Variants in TRAT1 observed in about 807,000 individuals in gnomAD.
The protein encoded by TRAT1 is T-cell receptor-associated transmembrane adapter 1.
In TRAT1, 20 loss-of-function variants were observed where a neutral mutation model predicts 20.0. The observed-to-expected ratio is 1.00, with a 90% CI of 0.70 to 1.45. The LOEUF (loss-of-function observed/expected upper bound fraction) is 1.45, where lower values mean the gene tolerates loss of function less well. Among genes scored for constraint, TRAT1 ranks in the 40% most tolerant of loss-of-function variants. The probability of loss-of-function intolerance (pLI) is 0.00; values close to 1 mark genes in which losing one functional copy is unlikely to be tolerated. For synonymous variants in TRAT1, 77 were observed against 74.2 expected (o/e 1.04, Z -0.20); for missense variants, 237 against 224.1 (o/e 1.06, Z -0.37).
chr3:108,836,218 A>T (rs1040669231), intron 2 of TRAT1, among the ~76,000 whole-genome samples: 15 of 152,094 alleles, frequency 9.9e-5, no homozygotes, highest in African/African-American at 3.6e-4. Context: ...GTGCCCGGCC[A>T]GAGTTAGTTT....
Position 108,853,801 on chromosome 3 carries a change from C to A in TRAT1, c.485C>A (p.Ala162Glu). Residue 162 changes from alanine (A) to glutamate (E), a missense_variant, in exon 6 of 6, where the codon GCA (alanine) becomes GAA (glutamate). Physicochemically the swap from Ala to Glu is moderately radical, Grantham distance 107. Coordinates refer to ENST00000295756, the MANE Select transcript of TRAT1 (RefSeq NM_016388.4). ...LVDSFSPESQAVEENIHDDPI... is the reference protein window; with the variant it reads ...LVDSFSPESQEVEENIHDDPI... ...GACAGTTTCTCCCCAGAAAGCCAGG[C>A]AGTAGAGGAAAACATTCATGATGAT... 6.2e-7 allele frequency: 1 copy of A among 1,613,958 alleles called. No individual in the cohort carries two copies. The highest frequency in any genetic ancestry group is 2.2e-5 in the East Asian group (1 of 44,890).
intron 1 of TRAT1, among the ~76,000 whole-genome samples, chr3:108,827,859 A>C (rs1309398463): frequency 6.6e-6 from 1 of 152,122 alleles, no homozygotes; most frequent in Non-Finnish European, 1.5e-5. Context: ...AGTGTTTCTG[A>C]CATATTTCAT....
chr3:108,853,929 A>G lies in TRAT1; in HGVS notation c.*52A>G, dbSNP rs1324963183. On this transcript the variant is annotated 3_prime_UTR_variant, in exon 6 of 6. Coordinates refer to ENST00000295756, the MANE Select transcript of TRAT1 (RefSeq NM_016388.4). ...TGGCTCCTATTGAAGATGGCTTCTA[A>G]GAAAACAAGATGCACAGAGGACACA... is the stretch of plus-strand genomic sequence containing the variant. The G allele has an allele frequency of 5.7e-6, 9 of 1,571,770 alleles. No homozygotes were observed. Among genetic ancestry groups the G allele is most frequent in the Non-Finnish European group, 7.8e-6 (9 of 1,148,748 alleles).
intron 2 of TRAT1, among the ~76,000 whole-genome samples, chr3:108,831,235 G>A (rs1439442799): frequency 2.0e-5 from 3 of 152,160 alleles, no homozygotes; most frequent in African/African-American, 7.2e-5. Flanking sequence ...AAGACGACTG[G>A]AAAAGGAAGA....
intron 3 of TRAT1, among the ~76,000 whole-genome samples, chr3:108,839,876 C>T (rs1301102981): frequency 6.6e-6 from 1 of 151,588 alleles, no homozygotes; most frequent in African/African-American, 2.4e-5. Flanking sequence ...TGGCATAAAT[C>T]GTAGTAAGGA....
chr3:108,853,906 G>A lies in TRAT1; in HGVS notation c.*29G>A, dbSNP rs1169798766. The A allele has an allele frequency of 5.0e-6, 8 of 1,606,510 alleles. No individual in the cohort carries two copies. In the South Asian group the frequency reaches 7.7e-5, roughly 16 times the overall value. The stretch of plus-strand genomic sequence containing the variant: ...GACCATGATCTAGTTCAATGATTTG[G>A]CTCCTATTGAAGATGGCTTCTAAGA... On this transcript the variant is annotated 3_prime_UTR_variant, in exon 6 of 6. Transcript: ENST00000295756.
In TRAT1 at chr3:108,853,887, G is replaced by T. The variant is rs765928658; in HGVS notation, c.*10G>T. 1.9e-6 allele frequency: 3 copies of T among 1,611,656 alleles called. No individual in the cohort carries two copies. In the South Asian group the frequency reaches 3.3e-5, roughly 18 times the overall value. ...AGAACCTATAAACTAGCTGGACCAT[G>T]ATCTAGTTCAATGATTTGGCTCCTA... On this transcript the variant is annotated 3_prime_UTR_variant, in exon 6 of 6. Transcript: ENST00000295756.
At chr3:108,835,273 G>A (rs1945828685) in intron 2 of TRAT1, among the ~76,000 whole-genome samples, 1 of 152,206 alleles carries the variant, frequency 6.6e-6, no homozygotes, top group Non-Finnish European at 1.5e-5. Context: ...ACAAGTGTTT[G>A]CATCTGAATC....
chr3:108,850,395 C>G (rs188199108), intron 5 of TRAT1, among the ~76,000 whole-genome samples: 16 of 151,802 alleles, frequency 1.1e-4, no homozygotes, highest in Non-Finnish European at 2.1e-4. Context: ...ACCTCTGCCT[C>G]CCGGGTTCAA....
At chr3:108,826,455 G>A (rs1030061041) in intron 1 of TRAT1, among the ~76,000 whole-genome samples, 10 of 152,042 alleles carry the variant, frequency 6.6e-5, no homozygotes, top group Non-Finnish European at 1.2e-4. Context: ...ACTGATTTGC[G>A]AGCCCCCTCC....
intron 4 of TRAT1, among the ~76,000 whole-genome samples, chr3:108,848,693 T>G (rs1945969428): frequency 6.6e-6 from 1 of 152,200 alleles, no homozygotes; most frequent in African/African-American, 2.4e-5. Context: ...TTTTCAAAAT[T>G]AAGATGTGGG....
At chr3:108,852,385 A>G (rs930688725) in intron 5 of TRAT1, among the ~76,000 whole-genome samples, 1 of 91,396 alleles carries the variant, frequency 1.1e-5, no homozygotes, top group African/African-American at 4.3e-5. Context: ...CCATCTCAAA[A>G]AACACACGCA....
rs114746235 is a variant in TRAT1 at position 108,847,244 on chromosome 3, A to G, written c.214+115A>G. 2.3e-3 allele frequency: 1,414 copies of G among 605,654 alleles called. 1 individual carries two copies. The highest frequency in any genetic ancestry group is 2.7e-3 in the Non-Finnish European group (951 of 351,422). The allele number at this position is 605,654 out of a possible 1,614,324, so 37.5% of individuals were successfully genotyped here. ...ACACTTAGCTATCCCAGTGATAACC[A>G]TCAATTCAAGAACTTTTAGTATATT... is the stretch of plus-strand genomic sequence containing the variant. On this transcript the variant is annotated intron_variant, in intron 4 of 5. Transcript: ENST00000295756.
chr3:108,850,794 A>G lies in TRAT1; in HGVS notation c.303+1540A>G, dbSNP rs546400421. On this transcript the variant is annotated intron_variant, in intron 5 of 5. Transcript: ENST00000295756. Reference sequence around the variant, plus strand: ...AACCTCTCAAGGAAGGTTAAAATACATTATCTGAAGTGTAGAGATTCACAG... The same window carrying G: ...AACCTCTCAAGGAAGGTTAAAATACGTTATCTGAAGTGTAGAGATTCACAG... Among the ~76,000 whole-genome samples the G allele has an allele frequency of 1.1e-3, 172 of 152,352 alleles. 1 individual carries two copies. Among genetic ancestry groups the G allele is most frequent in the African/African-American group, 3.8e-3 (157 of 41,588 alleles).
rs537367163 is a variant in TRAT1 at position 108,843,269 on chromosome 3, C to T, written c.153-3799C>T. ...ATTGCCAGCCGGGCGTGGTGGCTCA[C>T]GCCTGTAATCTCAGCACTTTGGGAG... On this transcript the variant is annotated intron_variant, in intron 3 of 5. Coordinates refer to ENST00000295756, the MANE Select transcript of TRAT1 (RefSeq NM_016388.4). Among the ~76,000 whole-genome samples, 7 of 152,308 alleles carry T rather than the reference C, an allele frequency of 4.6e-5. No individual in the cohort carries two copies. The East Asian group carries it at 1.2e-3, about 25-fold the overall frequency.
At chr3:108,849,374 G>A in intron 5 of TRAT1, 120 bp downstream of exon 5, 1 of 736,690 alleles carries the variant, frequency 1.4e-6, no homozygotes, top group Non-Finnish European at 2.2e-6. Flanking sequence ...TCAAGTTCTG[G>A]GACCTGAGCT....
intron 5 of TRAT1, among the ~76,000 whole-genome samples, chr3:108,850,568 T>A (rs542619904): frequency 1.3e-5 from 2 of 152,202 alleles, no homozygotes; most frequent in Non-Finnish European, 2.9e-5. Flanking sequence ...CCTCCCAAAG[T>A]GCTGGGATTA....
At chr3:108,830,627 T>A in intron 1 of TRAT1, 43 bp from the exon 2 acceptor site, 1 of 1,326,246 alleles carries the variant, frequency 7.5e-7, no homozygotes, top group Non-Finnish European at 1.1e-6. Flanking sequence ...AACAAATGGG[T>A]AAGCAGCTGT....
At chr3:108,824,758 A>C (rs1945721457) in intron 1 of TRAT1, among the ~76,000 whole-genome samples, 2 of 152,208 alleles carry the variant, frequency 1.3e-5, no homozygotes, top group South Asian at 4.1e-4. Context: ...AAGAACAAAA[A>C]CAAGTGTCCC....
Sources: allele counts gnomAD v4.1 joint callset (sites outside exome capture counted in the v4.1 genomes callset), GRCh38; gene constraint gnomAD v4.1.1; transcripts MANE v1.5; gene names NCBI Gene and HGNC (gene_info 2026-07-23, HGNC 2026-07-21).